The following VPS53 variants were observed in gnomAD, a reference collection of about 807,000 sequenced individuals.
VPS53 encodes the protein vacuolar protein sorting-associated protein 53 homolog.
A neutral mutation model predicts 107.0 loss-of-function variants in VPS53; 70 were observed. The observed-to-expected ratio is 0.65, with a 90% confidence interval of 0.54 to 0.80. The LOEUF (loss-of-function observed/expected upper bound fraction) is 0.80. Among genes scored for constraint, VPS53 ranks in the 30% least tolerant of loss-of-function variants. The pLI, the probability that VPS53 is intolerant of heterozygous loss-of-function variation, is 0.00. For synonymous variants in VPS53, 409 were observed against 393.3 expected (o/e 1.04, Z -0.47); for missense variants, 917 against 1,049.4 (o/e 0.87, Z 1.74).
chr17:663,060 A>T (rs1213123576), intron 4 of VPS53, among the ~76,000 whole-genome samples: 2 of 152,048 alleles, frequency 1.3e-5, no homozygotes, highest in Non-Finnish European at 2.9e-5. Flanking sequence ...AAAGTTAGCC[A>T]GGCATGGTGG....
chr17:595,983 G>A lies in VPS53; in HGVS notation c.1218+5812C>T, dbSNP rs1190715716. Among the ~76,000 whole-genome samples, 3 of 151,922 alleles carry A rather than the reference G, an allele frequency of 2.0e-5. No homozygotes were observed. In the East Asian group the frequency reaches 5.8e-4, roughly 29 times the overall value. On this transcript the variant is annotated intron_variant, in intron 12 of 21. Coordinates refer to ENST00000437048, the MANE Select transcript of VPS53 (RefSeq NM_001128159.3). ...TCTAGTGTCCCCCTGGAGGAAGCTG[G>A]GAGATGGGAAGGGGTCTGGATCAAT...
intron 1 of VPS53, among the ~76,000 whole-genome samples, chr17:712,414 C>A (rs754157717): frequency 6.8e-6 from 1 of 147,366 alleles, no homozygotes; most frequent in Admixed American, 6.8e-5. Context: ...CTCCTGACAT[C>A]GTGATCCACC....
chr17:696,393 C>G (rs1486559324), intron 4 of VPS53, among the ~76,000 whole-genome samples: 4 of 152,196 alleles, frequency 2.6e-5, no homozygotes, highest in East Asian at 3.8e-4. Flanking sequence ...CACTCCAAAT[C>G]TGGGCAGCAG....
At chr17:587,870 A>AT (rs1967404822) in intron 12 of VPS53, among the ~76,000 whole-genome samples, 1 of 152,184 alleles carries the variant, frequency 6.6e-6, no homozygotes, top group Non-Finnish European at 1.5e-5. Context: ...TATGATTGAC[A>AT]TTTTAAAAGC....
At chr17:595,925 G>T in intron 12 of VPS53, among the ~76,000 whole-genome samples, 1 of 139,484 alleles carries the variant, frequency 7.2e-6, no homozygotes, top group East Asian at 2.2e-4. Flanking sequence ...GATGGGAAGG[G>T]GTCTGGATCA....
intron 11 of VPS53, among the ~76,000 whole-genome samples, chr17:613,599 C>A (rs1968998541): frequency 6.8e-6 from 1 of 147,116 alleles, no homozygotes; most frequent in South Asian, 2.2e-4. Flanking sequence ...ACAGTGAAAA[C>A]CTGTACAAAT....
rs1161322190 is a variant in VPS53 at position 562,661 on chromosome 17, G to A, written c.1398C>T (p.Ala466=). The A allele has an allele frequency of 1.4e-5, 22 of 1,613,618 alleles. No homozygotes were observed. The highest frequency in any genetic ancestry group is 1.5e-5 in the Non-Finnish European group (18 of 1,179,952). Reference sequence around the variant, plus strand: ...AGAGGTCGGCGCAGCTGGGGAGCACGGCACCCCCTTCATCAGTGTTGGGCT... The same window carrying A: ...AGAGGTCGGCGCAGCTGGGGAGCACAGCACCCCCTTCATCAGTGTTGGGCT... ...PPKPNTDEGG[A]VLPSCADLFV... Residue 466 remains alanine (A), a synonymous_variant, in exon 14 of 22, where the codon GCC becomes GCT. Coordinates refer to ENST00000437048, the MANE Select transcript of VPS53 (RefSeq NM_001128159.3).
chr17:569,748 G>A (rs778588068), intron 13 of VPS53, among the ~76,000 whole-genome samples: 1 of 151,894 alleles, frequency 6.6e-6, no homozygotes, highest in East Asian at 1.9e-4. Context: ...GTGAAACCCC[G>A]TCTCTACTAA....
intron 1 of VPS53, chr17:714,280 G>T: frequency 3.7e-6 from 1 of 267,196 alleles, no homozygotes; most frequent in Non-Finnish European, 7.1e-6. Flanking sequence ...GCGTTGGCAC[G>T]AGTCTGGTAA....
intron 4 of VPS53, among the ~76,000 whole-genome samples, chr17:663,085 C>G (rs1322769785): frequency 2.0e-5 from 3 of 151,948 alleles, no homozygotes; most frequent in Non-Finnish European, 4.4e-5. Flanking sequence ...CACCAGTAGT[C>G]TCAGCTACTT....
intron 2 of VPS53, among the ~76,000 whole-genome samples, chr17:706,790 C>T (rs759036900): frequency 7.9e-5 from 12 of 152,134 alleles, no homozygotes; most frequent in Non-Finnish European, 1.5e-4. Flanking sequence ...TACCAAACTG[C>T]ATGACTTTGG....
chr17:597,831 A>G (rs1338869701), intron 12 of VPS53, among the ~76,000 whole-genome samples: 1 of 152,050 alleles, frequency 6.6e-6, no homozygotes, highest in African/African-American at 2.4e-5. Context: ...CAGCCTCCCA[A>G]AGTGCTGGGA....
At chr17:681,477 C>G (rs1313237102) in intron 4 of VPS53, among the ~76,000 whole-genome samples, 1 of 152,196 alleles carries the variant, frequency 6.6e-6, no homozygotes, top group Non-Finnish European at 1.5e-5. Context: ...GCTGGGGTGT[C>G]TCTGCAAAAA....
In VPS53 at chr17:635,973, T is replaced by C. The variant is rs913804497; in HGVS notation, c.609-4345A>G. ...CTTGATGGGGATGGCACTGAATCTA[T>C]AAATTACCTTGGGCAGTATGGCCAT... On this transcript the variant is annotated intron_variant, in intron 7 of 21. Transcript: ENST00000437048. Among the ~76,000 whole-genome samples the C allele has an allele frequency of 1.1e-4, 16 of 152,342 alleles. No individual in the cohort carries two copies. The East Asian group carries it at 3.1e-3, about 29-fold the overall frequency.
At position 696,431 on chromosome 17, in the gene VPS53, C is replaced by T. The variant is rs557756477; in HGVS notation, c.285+987G>A. On this transcript the variant is annotated intron_variant, in intron 4 of 21. Transcript: ENST00000437048. ...TGAACATTTTTAGAAATTAGCTGTC[C>T]TAAAAAATGTCAAAGAGGAGAAATC... 6.0e-4 allele frequency among the ~76,000 whole-genome samples: 91 copies of T among 152,064 alleles called. 1 individual carries two copies. Among genetic ancestry groups the T allele is most frequent in the Non-Finnish European group, 1.0e-3 (68 of 68,016 alleles).
chr17:664,962 G>A (rs1388004193), intron 4 of VPS53, among the ~76,000 whole-genome samples: 1 of 152,204 alleles, frequency 6.6e-6, no homozygotes, highest in Non-Finnish European at 1.5e-5. Flanking sequence ...GCAGGTGTGT[G>A]TGGTGGTGGC....
chr17:624,086 G>A (rs1969586443), intron 10 of VPS53, among the ~76,000 whole-genome samples: 1 of 151,146 alleles, frequency 6.6e-6, no homozygotes, highest in African/African-American at 2.4e-5. Context: ...TCAAACTCCT[G>A]ACCTCAAGAG....
At chr17:622,962 T>C (rs915394371) in intron 11 of VPS53, among the ~76,000 whole-genome samples, 7 of 151,962 alleles carry the variant, frequency 4.6e-5, no homozygotes, top group African/African-American at 1.7e-4. Context: ...GCTGGGATTA[T>C]ACAGGTGTGA....
chr17:677,836 C>G (rs1972228116), intron 4 of VPS53, among the ~76,000 whole-genome samples: 1 of 151,920 alleles, frequency 6.6e-6, no homozygotes, highest in Non-Finnish European at 1.5e-5. Flanking sequence ...GAAAAAAAAC[C>G]AGGCCAGGTG....
Sources: gnomAD v4.1 joint callset for allele counts (sites outside exome capture counted in the v4.1 genomes callset) on GRCh38, gnomAD v4.1.1 for gene constraint, MANE v1.5 for transcripts, NCBI Gene and HGNC (gene_info 2026-07-23, HGNC 2026-07-21) for gene names.